Variants in SSH2 observed in about 807,000 individuals in gnomAD.
SSH2 encodes the protein protein phosphatase Slingshot homolog 2.
In SSH2, 37 loss-of-function variants were observed where a neutral mutation model predicts 135.2. That is an observed-to-expected ratio of 0.27 (90% CI 0.21 to 0.36). The LOEUF is 0.36. Ranked by LOEUF, SSH2 falls within the 10% of genes least tolerant of loss-of-function variation. SSH2 has a pLI of 1.00. For missense variants in SSH2, 1,408 were observed against 1,765.3 expected, an observed-to-expected ratio of 0.80 and a Z score of 3.63; for synonymous variants, 628 against 646.2, an observed-to-expected ratio of 0.97 and a Z score of 0.43.
intron 7 of SSH2, among the ~76,000 whole-genome samples, chr17:29,677,465 G>C (rs938275957): frequency 3.0e-4 from 45 of 152,096 alleles, no homozygotes; most frequent in African/African-American, 1.0e-3. Context: ...TCCTACCACA[G>C]TCGGCCTAGA....
At chr17:29,731,368 G>A (rs1221683826) in intron 3 of SSH2, among the ~76,000 whole-genome samples, 1 of 151,920 alleles carries the variant, frequency 6.6e-6, no homozygotes, top group Non-Finnish European at 1.5e-5. Flanking sequence ...TATTTCTATA[G>A]TATTAAATAA....
intron 14 of SSH2, among the ~76,000 whole-genome samples, chr17:29,643,645 C>T (rs2036256520): frequency 6.6e-6 from 1 of 152,078 alleles, no homozygotes; most frequent in Non-Finnish European, 1.5e-5. Context: ...AGGCGCCTAC[C>T]ACCATGCCTG....
intron 1 of SSH2, among the ~76,000 whole-genome samples, chr17:29,884,236 T>C (rs2066191544): frequency 6.6e-6 from 1 of 152,184 alleles, no homozygotes. Flanking sequence ...TACCAACTCA[T>C]AACACTTTTC....
chr17:29,643,252 AG>A, intron 14 of SSH2: 1 of 985,356 alleles, frequency 1.0e-6, no homozygotes, highest in Non-Finnish European at 1.2e-6. Flanking sequence ...ACAAGTACCA[AG>A]GTGTCCTAAT....
chr17:29,672,621 G>T (rs2037540080), intron 8 of SSH2, among the ~76,000 whole-genome samples: 1 of 152,316 alleles, frequency 6.6e-6, no homozygotes, highest in Middle Eastern at 3.4e-3. Flanking sequence ...TCCAGGAAGT[G>T]TTGATCTAAT....
At chr17:29,749,330 C>T (rs539125178) in intron 3 of SSH2, among the ~76,000 whole-genome samples, 65 of 152,240 alleles carry the variant, frequency 4.3e-4, no homozygotes, top group African/African-American at 1.5e-3. Context: ...TTTATCATTG[C>T]GTGAACATCA....
chr17:29,791,596 C>T (rs1224004793), intron 3 of SSH2, among the ~76,000 whole-genome samples: 1 of 152,132 alleles, frequency 6.6e-6, no homozygotes, highest in Non-Finnish European at 1.5e-5. Context: ...CTGTAGCAGT[C>T]AAACATACAA....
chr17:29,824,666 A>T (rs2042713957), intron 2 of SSH2, among the ~76,000 whole-genome samples: 1 of 152,166 alleles, frequency 6.6e-6, no homozygotes, highest in African/African-American at 2.4e-5. Context: ...AACAAAACCG[A>T]GTTTTTAGGA....
At chr17:29,672,157 C>A in intron 8 of SSH2, 28 bp from the exon 9 acceptor site, 1 of 1,593,562 alleles carries the variant, frequency 6.3e-7, no homozygotes, top group South Asian at 1.1e-5. Flanking sequence ...AAATGAGCAC[C>A]ATAGAACTGT....
At chr17:29,876,953 A>G (rs2066044846) in intron 1 of SSH2, among the ~76,000 whole-genome samples, 1 of 152,104 alleles carries the variant, frequency 6.6e-6, no homozygotes, top group Non-Finnish European at 1.5e-5. Flanking sequence ...GGAAGAAAAT[A>G]TATGCAAACT....
At chr17:29,702,830 C>T (rs1018699130) in intron 4 of SSH2, 129 bp downstream of exon 4, 12 of 746,022 alleles carry the variant, frequency 1.6e-5, no homozygotes, top group East Asian at 2.6e-5. Context: ...AAAGTCATTA[C>T]GGCCCTGTAC....
At chr17:29,696,448 T>C (rs1326276705) in intron 4 of SSH2, among the ~76,000 whole-genome samples, 1 of 146,420 alleles carries the variant, frequency 6.8e-6, no homozygotes, top group Non-Finnish European at 1.5e-5. Flanking sequence ...TGTATATATA[T>C]ACTGTCATTA....
intron 1 of SSH2, among the ~76,000 whole-genome samples, chr17:29,882,374 A>G (rs1406291625): frequency 3.3e-5 from 5 of 152,252 alleles, no homozygotes; most frequent in Non-Finnish European, 5.9e-5. Context: ...TTAAGATAGT[A>G]GCCTGGACTT....
At chr17:29,862,509 G>A (rs141728448) in intron 1 of SSH2, among the ~76,000 whole-genome samples, 4 of 152,310 alleles carry the variant, frequency 2.6e-5, no homozygotes, top group South Asian at 2.1e-4. Context: ...CTGAACACAT[G>A]ATATTTGTTC....
intron 1 of SSH2, among the ~76,000 whole-genome samples, chr17:29,879,766 G>A (rs1388482742): frequency 6.6e-6 from 1 of 152,050 alleles, no homozygotes; most frequent in Non-Finnish European, 1.5e-5. Flanking sequence ...ACATCCATTT[G>A]AGGCTTCCAG....
chr17:29,717,584 T>C (rs2039669124), intron 3 of SSH2, among the ~76,000 whole-genome samples: 1 of 152,082 alleles, frequency 6.6e-6, no homozygotes, highest in Non-Finnish European at 1.5e-5. Flanking sequence ...TGGAGAAAAA[T>C]GAAGCAGAGA....
intron 2 of SSH2, among the ~76,000 whole-genome samples, chr17:29,798,052 C>T (rs1412513940): frequency 1.3e-5 from 2 of 152,128 alleles, no homozygotes; most frequent in African/African-American, 2.4e-5. Context: ...GCTTTATACC[C>T]TCATCAACAA....
At chr17:29,778,665 T>A (rs952677946) in intron 3 of SSH2, among the ~76,000 whole-genome samples, 9 of 145,164 alleles carry the variant, frequency 6.2e-5, no homozygotes, top group Non-Finnish European at 9.1e-5. Flanking sequence ...TAAATAAAAA[T>A]AAATAAATAA....
chr17:29,788,863 T>C (rs2042015834), intron 3 of SSH2, among the ~76,000 whole-genome samples: 1 of 152,192 alleles, frequency 6.6e-6, no homozygotes, highest in South Asian at 2.1e-4. Flanking sequence ...TGGTGAGTGC[T>C]CAGAAAGGAT....
Sources: allele counts gnomAD v4.1 joint callset (sites outside exome capture counted in the v4.1 genomes callset), GRCh38; gene constraint gnomAD v4.1.1; transcripts MANE v1.5; gene names NCBI Gene and HGNC (gene_info 2026-07-23, HGNC 2026-07-21).